The following SYNE2 variants were observed in gnomAD, a reference collection of about 807,000 sequenced individuals.
The protein encoded by SYNE2 is spectrin repeat containing nuclear envelope protein 2.
A neutral mutation model predicts 856.3 loss-of-function variants in SYNE2; 431 were observed. The ratio of observed to expected loss-of-function variants is 0.50; its 90% CI spans 0.47 to 0.55. The LOEUF is 0.55. SYNE2 is among the 20% of genes least tolerant of loss of function. The pLI is 0.00. For missense variants in SYNE2, 8,129 were observed against 8,023.2 expected, an observed-to-expected ratio of 1.01 and a Z score of -0.50; for synonymous variants, 2,923 against 2,872.3, an observed-to-expected ratio of 1.02 and a Z score of -0.56.
chr14:64,027,090 AG>A (rs1342767762), intron 42 of SYNE2, among the ~76,000 whole-genome samples: 1 of 139,754 alleles, frequency 7.2e-6, no homozygotes, highest in Non-Finnish European at 1.5e-5. Flanking sequence ...ATGTTTGAAG[AG>A]CCAATCAGAT....
chr14:64,155,637 T>G (rs1240298145), intron 85 of SYNE2, among the ~76,000 whole-genome samples: 1 of 147,598 alleles, frequency 6.8e-6, no homozygotes, highest in Non-Finnish European at 1.5e-5. Context: ...CTGTCAAGAG[T>G]CAATGTAGGC....
rs141565861 is a variant in SYNE2 at position 64,078,487 on chromosome 14, A to G, written c.11044A>G (p.Ser3682Gly). Residue 3682 changes from serine (S) to glycine (G), a missense_variant, in exon 55 of 116, where the codon AGC becomes GGC. Ser to Gly is a moderately conservative substitution (Grantham distance 56). This residue lies in a region of SYNE2 where 5,410 missense variants were observed against 5,284.8 expected (regional missense o/e 1.02). Transcript: ENST00000555002. ...DEKISNEVLKSSPSYAMRRKI... is the reference protein window; with the variant it reads ...DEKISNEVLKGSPSYAMRRKI... ...ACAGATTAGCAATGAAGTCTTAAAA[A>G]GCTCACCATCATATGCAATGAGGAG... The G allele has an allele frequency of 3.1e-6, 5 of 1,614,036 alleles. No homozygotes were observed. Among genetic ancestry groups the G allele is most frequent in the Non-Finnish European group, 4.2e-6 (5 of 1,180,008 alleles).
At chr14:64,214,842 C>A (rs142737507) in intron 106 of SYNE2, among the ~76,000 whole-genome samples, 188 of 152,218 alleles carry the variant, frequency 1.2e-3, no homozygotes, top group African/African-American at 4.2e-3. Context: ...AGGGCTCAAG[C>A]AATCCTTCCA....
chr14:64,126,396 C>T lies in SYNE2; in HGVS notation c.13624C>T (p.Gln4542Ter), dbSNP rs1194174057. Reference protein sequence around the residue: ...KLFELFLTLSQCLSSVEEMLE... With the variant: ...KLFELFLTLS ...GTTTGAACTATTCCTGACCCTCAGTCAGTGCCTCAGCAGTGTGGAGGAGAT... is the reference window on the plus strand; with the variant it reads ...GTTTGAACTATTCCTGACCCTCAGTTAGTGCCTCAGCAGTGTGGAGGAGAT... Residue 4542 changes from glutamine (Q) to a stop codon, truncating the protein, a stop_gained, in exon 72 of 116, where the codon CAG becomes TAG. Coordinates refer to ENST00000555002, the MANE Select transcript of SYNE2 (RefSeq NM_182914.3). LOFTEE classifies it high-confidence loss of function. 1 of 1,614,010 alleles carries T rather than the reference C, an allele frequency of 6.2e-7. No individual in the cohort carries two copies. Among genetic ancestry groups the T allele is most frequent in the Non-Finnish European group, 8.5e-7 (1 of 1,180,012 alleles).
At chr14:64,038,547 G>T (rs2097121324) in intron 45 of SYNE2, among the ~76,000 whole-genome samples, 2 of 152,228 alleles carry the variant, frequency 1.3e-5, no homozygotes, top group Non-Finnish European at 2.9e-5. Flanking sequence ...TCCAGCCTGG[G>T]CACCATTGAG....
intron 61 of SYNE2, among the ~76,000 whole-genome samples, chr14:64,096,269 C>T (rs937966546): frequency 9.2e-5 from 14 of 152,054 alleles, no homozygotes; most frequent in Non-Finnish European, 4.4e-5. Flanking sequence ...AGTGAAGAAC[C>T]CAGTAACAAC....
chr14:64,000,654 T>C lies in SYNE2; in HGVS notation c.3573T>C (p.Phe1191=). Residue 1191 remains phenylalanine, a synonymous_variant, in exon 28 of 116, where the codon TTT becomes TTC. Coordinates refer to ENST00000555002, the MANE Select transcript of SYNE2 (RefSeq NM_182914.3). ...ENHVNDIKKP[F]VIKERDTLKE... is the part of the protein sequence containing the mutation. ...ATGTGAATGACATAAAAAAGCCTTTTGTAATTAAGGAAAGAGACACACTAA... is the reference window on the plus strand; with the variant it reads ...ATGTGAATGACATAAAAAAGCCTTTCGTAATTAAGGAAAGAGACACACTAA... The C allele has an allele frequency of 3.1e-6, 5 of 1,613,552 alleles. No individual in the cohort carries two copies. The highest frequency in any genetic ancestry group is 4.2e-6 in the Non-Finnish European group (5 of 1,179,768).
intron 66 of SYNE2, among the ~76,000 whole-genome samples, chr14:64,115,048 C>G (rs2097843535): frequency 6.6e-6 from 1 of 152,208 alleles, no homozygotes; most frequent in Non-Finnish European, 1.5e-5. Context: ...CTATGCTAAA[C>G]TCAACTCGAG....
intron 1 of SYNE2, among the ~76,000 whole-genome samples, chr14:63,837,132 T>G (rs1379602399): frequency 6.6e-6 from 1 of 152,194 alleles, no homozygotes; most frequent in South Asian, 2.1e-4. Flanking sequence ...CAGGAAGGAA[T>G]GAATAACTCT....
chr14:64,126,567 C>T (rs747987855), intron 72 of SYNE2, 31 bp from the exon 73 acceptor site: 1 of 1,614,170 alleles, frequency 6.2e-7, no homozygotes. Flanking sequence ...GGTCAGAGCT[C>T]ATTCATTGTC....
chr14:63,826,278 C>CAA (rs34998475), intron 1 of SYNE2, among the ~76,000 whole-genome samples: 3 of 151,796 alleles, frequency 2.0e-5, no homozygotes, highest in Non-Finnish European at 2.9e-5. Context: ...ACAAGCATGC[C>CAA]AAAAAAATCA....
At position 64,146,199 on chromosome 14, in the gene SYNE2, G is replaced by A; in HGVS notation, c.15615G>A (p.Val5205=). 1 of 1,612,264 alleles carries A rather than the reference G, an allele frequency of 6.2e-7. No homozygotes were observed. Among genetic ancestry groups the A allele is most frequent in the Non-Finnish European group, 8.5e-7 (1 of 1,179,364 alleles). ...AAAAACCTGAAAGTGTGATCTCAGT[G>A]CAGAAGCTGCTCCTGGACTGTCAGG... ...TLQKPESVIS[V]QKLLLDCQDI... is the part of the protein sequence containing the mutation. Residue 5205 remains valine, a synonymous_variant, in exon 84 of 116, where the codon GTG becomes GTA. Coordinates refer to ENST00000555002, the MANE Select transcript of SYNE2 (RefSeq NM_182914.3).
At chr14:63,919,611 G>A (rs2095572695) in intron 2 of SYNE2, among the ~76,000 whole-genome samples, 1 of 152,130 alleles carries the variant, frequency 6.6e-6, no homozygotes, top group South Asian at 2.1e-4. Context: ...AAGTGGAAGA[G>A]GAGGAACAAG....
intron 1 of SYNE2, chr14:63,762,120 A>G: frequency 2.3e-6 from 1 of 444,248 alleles, no homozygotes; most frequent in South Asian, 1.7e-5. Context: ...ATCCTACGAT[A>G]GAAGATTCCT....
chr14:64,072,202 G>C (rs1389723318), intron 52 of SYNE2, among the ~76,000 whole-genome samples: 4 of 152,192 alleles, frequency 2.6e-5, no homozygotes, highest in Non-Finnish European at 5.9e-5. Flanking sequence ...AAGATAGTGA[G>C]AAGTAGAATC....
intron 48 of SYNE2, 133 bp downstream of exon 48, chr14:64,053,790 T>C: frequency 1.3e-6 from 1 of 788,752 alleles, no homozygotes; most frequent in Non-Finnish European, 2.0e-6. Flanking sequence ...ATGGCAAAAC[T>C]GCATGTATAC....
At chr14:63,944,824 CTTTTTT>C (rs55906748) in intron 6 of SYNE2, among the ~76,000 whole-genome samples, 56 of 46,942 alleles carry the variant, frequency 1.2e-3, no homozygotes, top group African/African-American at 2.8e-3. Context: ...GGGCTTAAAG[CTTTTTT>C]TTTTTTTTTT....
In SYNE2 at chr14:64,208,792, G is replaced by A; in HGVS notation, c.18236G>A (p.Gly6079Glu). ...CGAGATATTGAACAACACAGCGCAGGGGTGGAGTCCGTGTTTAACATCTGT... is the reference window on the plus strand; with the variant it reads ...CGAGATATTGAACAACACAGCGCAGAGGTGGAGTCCGTGTTTAACATCTGT... ...LQRDIEQHSA[G>E]VESVFNICDV... The change falls in exon 101 of 116, where the codon GGG becomes GAG. Residue 6079 changes from glycine (G) to glutamate (E), a missense_variant. By Grantham distance (98) the Gly-to-Glu change is moderately conservative. Transcript: ENST00000555002. 1 of 1,614,226 alleles carries A rather than the reference G, an allele frequency of 6.2e-7. No individual in the cohort carries two copies. Among genetic ancestry groups the A allele is most frequent in the Non-Finnish European group, 8.5e-7 (1 of 1,180,048 alleles).
chr14:63,972,836 G>A (rs1220840903), intron 11 of SYNE2, among the ~76,000 whole-genome samples: 1 of 152,148 alleles, frequency 6.6e-6, no homozygotes, highest in Non-Finnish European at 1.5e-5. Context: ...AATAATAGTT[G>A]AACTAGAGGT....
Sources: gnomAD v4.1 joint callset for allele counts (sites outside exome capture counted in the v4.1 genomes callset) on GRCh38, gnomAD v4.1.1 for gene constraint, gnomAD v4.1.1 regional missense constraint, MANE v1.5 for transcripts, NCBI Gene and HGNC (gene_info 2026-07-23, HGNC 2026-07-21) for gene names.